Variants in PARD3B observed in about 807,000 individuals in gnomAD.
The protein encoded by PARD3B is partitioning defective 3 homolog B.
In PARD3B, 103 loss-of-function variants were observed where a neutral mutation model predicts 130.2. The ratio of observed to expected loss-of-function variants is 0.79; its 90% CI spans 0.67 to 0.93. The LOEUF (loss-of-function observed/expected upper bound fraction) is 0.93. PARD3B is among the 40% of genes least tolerant of loss of function. PARD3B has a pLI of 0.00. For missense variants in PARD3B, 1,609 were observed against 1,499.2 expected (o/e 1.07, Z -1.21); for synonymous variants, 583 against 553.2 (o/e 1.05, Z -0.76).
chr2:204,693,665 T>C (rs143822724), intron 2 of PARD3B, among the ~76,000 whole-genome samples: 2,798 of 152,186 alleles, frequency 0.018, 41 homozygotes, highest in Middle Eastern at 0.071. Flanking sequence ...GTCCAAACTT[T>C]GTAGCCATTT....
intron 22 of PARD3B, among the ~76,000 whole-genome samples, chr2:205,579,672 G>A (rs1204816861): frequency 2.6e-5 from 4 of 152,212 alleles, no homozygotes; most frequent in African/African-American, 9.6e-5. Flanking sequence ...ATTTAAGGTG[G>A]CGCCTTTGTT....
chr2:205,320,178 AG>A (rs1261648921), intron 18 of PARD3B, among the ~76,000 whole-genome samples: 2 of 1,388 alleles, frequency 1.4e-3, no homozygotes, highest in Admixed American at 0.045. Context: ...AGAAAGAAAG[AG>A]AGAGAGAGAG....
At chr2:205,613,768 G>T (rs920225524) in intron 22 of PARD3B, among the ~76,000 whole-genome samples, 9 of 152,150 alleles carry the variant, frequency 5.9e-5, no homozygotes, top group Admixed American at 1.3e-4. Context: ...CATCCTTATA[G>T]ATTTGTTCAC....
At chr2:205,608,465 T>C (rs1344766539) in intron 22 of PARD3B, among the ~76,000 whole-genome samples, 1 of 152,212 alleles carries the variant, frequency 6.6e-6, no homozygotes, top group Non-Finnish European at 1.5e-5. Context: ...AAACAGACCA[T>C]GGGGTAATGA....
chr2:204,743,335 A>G (rs1330392427), intron 2 of PARD3B, among the ~76,000 whole-genome samples: 2 of 152,124 alleles, frequency 1.3e-5, no homozygotes, highest in African/African-American at 2.4e-5. Flanking sequence ...TTAATTGCAT[A>G]TAGATTTTTA....
rs556984638 is a variant in PARD3B, at chr2:205,559,130, G to A, written c.3260+5727G>A. On this transcript the variant is annotated intron_variant, in intron 22 of 22. Coordinates refer to ENST00000406610, the MANE Select transcript of PARD3B (RefSeq NM_001302769.2). ...GGCCTAAGTATGGGCTCCACCACTG[G>A]AGCAATACCTACTCCTGCACCCAAG... 2.0e-4 allele frequency among the ~76,000 whole-genome samples: 30 copies of A among 152,200 alleles called. No homozygotes were observed. In the South Asian group the frequency reaches 5.0e-3, roughly 25 times the overall value.
Position 205,615,577 on chromosome 2 carries a change from C to A in PARD3B, c.3382C>A (p.Arg1128Ser). 1 of 1,614,084 alleles carries A rather than the reference C, an allele frequency of 6.2e-7. No homozygotes were observed. The highest frequency in any genetic ancestry group is 1.1e-5 in the South Asian group (1 of 91,076). The change falls in exon 23 of 23, where the codon CGC becomes AGC. Residue 1128 changes from arginine (R) to serine (S), a missense_variant. Physicochemically the swap from Arg to Ser is moderately radical, Grantham distance 110. Coordinates refer to ENST00000406610, the MANE Select transcript of PARD3B (RefSeq NM_001302769.2). ...GCACCCTCCCAAAGGGAGCTATCCC[C>A]GCCCCACAGAGCTCAGGGTGGCAGA... Reference protein sequence around the residue: ...PMHPPKGSYPRPTELRVADLR... With the variant: ...PMHPPKGSYPSPTELRVADLR...
chr2:205,287,205 G>T lies in PARD3B; in HGVS notation c.2186-13325G>T, dbSNP rs916321583. The stretch of plus-strand genomic sequence containing the variant: ...GAAACAACTGGTGGTAACATGGATT[G>T]TTATGTGGATGAGAGATTGGAGAAT... On this transcript the variant is annotated intron_variant, in intron 16 of 22. Transcript: ENST00000406610. This position sits in a 1 kb window ranked among gnomAD's most constrained non-coding sequence, Gnocchi z 4.8. 6.6e-6 allele frequency among the ~76,000 whole-genome samples: 1 copy of T among 152,222 alleles called. No homozygotes were observed.
chr2:205,414,880 T>TA (rs899139724), intron 19 of PARD3B, among the ~76,000 whole-genome samples: 9 of 151,936 alleles, frequency 5.9e-5, no homozygotes, highest in African/African-American at 1.4e-4. Flanking sequence ...AATGCACCTT[T>TA]AAAAAAAAGT....
At chr2:204,655,943 AG>A (rs2035624356) in intron 1 of PARD3B, among the ~76,000 whole-genome samples, 1 of 152,074 alleles carries the variant, frequency 6.6e-6, no homozygotes, top group African/African-American at 2.4e-5. Context: ...AGAAGGTTGT[AG>A]GCTGGTTTAG....
chr2:205,277,205 A>T (rs1471126079), intron 16 of PARD3B, among the ~76,000 whole-genome samples: 1 of 152,244 alleles, frequency 6.6e-6, no homozygotes, highest in African/African-American at 2.4e-5. Flanking sequence ...CAAAAAGCTT[A>T]GCAAGGAAGA....
chr2:205,283,996 G>T (rs2041291026), intron 16 of PARD3B, among the ~76,000 whole-genome samples: 1 of 152,192 alleles, frequency 6.6e-6, no homozygotes. Flanking sequence ...TGTAAGGTTG[G>T]CTGTCATGGT....
rs2038775474 is a variant in PARD3B, at chr2:205,230,412, T to A, written c.2141-15366T>A. Among the ~76,000 whole-genome samples, 1 of 152,160 alleles carries A rather than the reference T, an allele frequency of 6.6e-6. No individual in the cohort carries two copies. The highest frequency in any genetic ancestry group is 2.4e-5 in the African/African-American group (1 of 41,436). ...GCGAGTTTCCTTCTGGCAGAGTGTGTGTCTGGAAATGTCATCCAGGAGCTA... is the reference window on the plus strand; with the variant it reads ...GCGAGTTTCCTTCTGGCAGAGTGTGAGTCTGGAAATGTCATCCAGGAGCTA... On this transcript the variant is annotated intron_variant, in intron 15 of 22. Transcript: ENST00000406610. The surrounding 1 kb of genome is among the most constrained non-coding windows in gnomAD (Gnocchi z 4.1).
Position 205,229,828 on chromosome 2 carries a change from TC to T in PARD3B, c.2141-15949del. Among the ~76,000 whole-genome samples the T allele has an allele frequency of 6.6e-6, 1 of 152,058 alleles. No homozygotes were observed. The highest frequency in any genetic ancestry group is 2.0e-4 in the East Asian group (1 of 5,110). On this transcript the variant is annotated intron_variant, in intron 15 of 22. Coordinates refer to ENST00000406610, the MANE Select transcript of PARD3B (RefSeq NM_001302769.2). The surrounding 1 kb of genome is among the most constrained non-coding windows in gnomAD (Gnocchi z 5.2). ...GGCCTAGAGTCAGAAACCTTAGATG[TC>T]TACCTGGTGCTCCATTTTCTTGAGT...
intron 3 of PARD3B, among the ~76,000 whole-genome samples, chr2:205,012,640 C>T (rs984192381): frequency 6.6e-6 from 1 of 152,210 alleles, no homozygotes; most frequent in Non-Finnish European, 1.5e-5. Context: ...AAGTACCACT[C>T]ACAGCAAACA....
intron 2 of PARD3B, among the ~76,000 whole-genome samples, chr2:204,747,250 CTTGTTT>C (rs2040273431): frequency 6.6e-6 from 1 of 152,124 alleles, no homozygotes; most frequent in Non-Finnish European, 1.5e-5. Flanking sequence ...TTCCCCATTT[CTTGTTT>C]TTGTCAGGTT....
intron 18 of PARD3B, among the ~76,000 whole-genome samples, chr2:205,381,789 G>T (rs1395830351): frequency 5.9e-5 from 9 of 151,974 alleles, no homozygotes; most frequent in Non-Finnish European, 1.3e-4. Flanking sequence ...CTGTTTGGGG[G>T]AGGACTGCAG....
At chr2:205,570,249 G>A (rs1415085755) in intron 22 of PARD3B, among the ~76,000 whole-genome samples, 2 of 152,094 alleles carry the variant, frequency 1.3e-5, no homozygotes, top group Non-Finnish European at 2.9e-5. Flanking sequence ...TATTCCTGGG[G>A]GAAAGGGTGA....
intron 21 of PARD3B, among the ~76,000 whole-genome samples, chr2:205,504,781 C>T (rs1444416009): frequency 1.3e-5 from 2 of 152,184 alleles, no homozygotes; most frequent in Admixed American, 6.5e-5. Flanking sequence ...AACACTTTTA[C>T]ACTGTTGGTG....
Sources: allele counts gnomAD v4.1 joint callset (sites outside exome capture counted in the v4.1 genomes callset), GRCh38; gene constraint gnomAD v4.1.1; non-coding constraint Gnocchi (gnomAD v3.1); transcripts MANE v1.5; gene names NCBI Gene and HGNC (gene_info 2026-07-23, HGNC 2026-07-21).